Variants in CDK14 observed in about 807,000 individuals in gnomAD.
CDK14 encodes the protein cyclin dependent kinase 14, also known as cyclin-dependent kinase 14.
In CDK14, 34 loss-of-function variants were observed where a neutral mutation model predicts 60.7. The observed-to-expected ratio is 0.56, with a 90% confidence interval of 0.43 to 0.75. The LOEUF (loss-of-function observed/expected upper bound fraction) is 0.75. CDK14 is among the 30% of genes least tolerant of loss of function. The pLI is 0.00. For missense variants in CDK14, 482 were observed against 564.1 expected, an observed-to-expected ratio of 0.85 and a Z score of 1.47; for synonymous variants, 197 against 203.7, an observed-to-expected ratio of 0.97 and a Z score of 0.28.
At chr7:90,979,350 A>G (rs1795164584) in intron 9 of CDK14, 1 of 152,146 alleles carries the variant, frequency 6.6e-6, no homozygotes, top group Admixed American at 6.6e-5. Context: ...TCTTCAGTTT[A>G]CTAGACTCTG....
intron 10 of CDK14, among the ~76,000 whole-genome samples, chr7:91,011,782 A>G (rs886854009): frequency 4.6e-5 from 7 of 152,210 alleles, no homozygotes; most frequent in Non-Finnish European, 7.4e-5. Context: ...TTTTATCTCT[A>G]AAAGTTTTTA....
At chr7:90,866,585 C>A (rs1791200882) in intron 6 of CDK14, among the ~76,000 whole-genome samples, 1 of 152,070 alleles carries the variant, frequency 6.6e-6, no homozygotes, top group Non-Finnish European at 1.5e-5. Context: ...TTTTCAAGGG[C>A]TTTTTGAGAT....
chr7:90,834,000 C>T (rs1009864221), intron 5 of CDK14, among the ~76,000 whole-genome samples: 4 of 152,112 alleles, frequency 2.6e-5, no homozygotes, highest in Non-Finnish European at 5.9e-5. Context: ...ACCCAATTGC[C>T]TTAATAAAAG....
At chr7:90,954,364 A>G (rs1794346042) in intron 8 of CDK14, among the ~76,000 whole-genome samples, 1 of 152,184 alleles carries the variant, frequency 6.6e-6, no homozygotes, top group Non-Finnish European at 1.5e-5. Flanking sequence ...AAATGTTTTA[A>G]GTGCTATAAA....
intron 14 of CDK14, among the ~76,000 whole-genome samples, chr7:91,169,042 C>G (rs1397105269): frequency 6.6e-6 from 1 of 152,206 alleles, no homozygotes; most frequent in Admixed American, 6.5e-5. Context: ...GATTGTGCTC[C>G]TACTCTTCGT....
At chr7:90,674,530 C>A (rs1014739789) in intron 2 of CDK14, among the ~76,000 whole-genome samples, 5 of 152,056 alleles carry the variant, frequency 3.3e-5, no homozygotes, top group African/African-American at 1.2e-4. Context: ...TATAGACGAA[C>A]CTCAGTGCTT....
At chr7:91,086,749 A>T (rs1798654040) in intron 12 of CDK14, among the ~76,000 whole-genome samples, 1 of 152,138 alleles carries the variant, frequency 6.6e-6, no homozygotes, top group Non-Finnish European at 1.5e-5. Context: ...TGAAGCATGA[A>T]CAGAAATGCA....
intron 5 of CDK14, among the ~76,000 whole-genome samples, chr7:90,833,941 A>T (rs1252762584): frequency 6.6e-6 from 1 of 152,214 alleles, no homozygotes; most frequent in Admixed American, 6.5e-5. Context: ...GATATTTCAT[A>T]GTAGCTCTAA....
intron 6 of CDK14, among the ~76,000 whole-genome samples, chr7:90,895,374 C>T (rs535421279): frequency 0.095 from 383 of 4,028 alleles, 36 homozygotes; most frequent in Middle Eastern, 0.5. Flanking sequence ...TCCTCCCCTC[C>T]CCTCTCCTCT....
chr7:91,168,237 G>A (rs1312540376), intron 14 of CDK14, among the ~76,000 whole-genome samples: 1 of 149,268 alleles, frequency 6.7e-6, no homozygotes, highest in African/African-American at 2.5e-5. Flanking sequence ...ATTCCAGCCT[G>A]GCGACAGTGT....
chr7:90,808,144 A>T (rs1445754057), intron 5 of CDK14, among the ~76,000 whole-genome samples: 4 of 152,126 alleles, frequency 2.6e-5, no homozygotes, highest in Non-Finnish European at 5.9e-5. Flanking sequence ...GAGAAGAGCA[A>T]CTCCAAGACA....
chr7:90,679,980 A>G (rs1801282709), intron 2 of CDK14, among the ~76,000 whole-genome samples: 1 of 152,170 alleles, frequency 6.6e-6, no homozygotes, highest in Non-Finnish European at 1.5e-5. Context: ...GGTGCTTTAG[A>G]TGTAATTAAA....
intron 3 of CDK14, among the ~76,000 whole-genome samples, chr7:90,736,496 A>C (rs1803121250): frequency 6.6e-6 from 1 of 151,316 alleles, no homozygotes; most frequent in Non-Finnish European, 1.5e-5. Flanking sequence ...GTTAATTCCC[A>C]TGGGAAGCAT....
chr7:91,137,794 A>T (rs930372583), intron 14 of CDK14, among the ~76,000 whole-genome samples: 1 of 152,078 alleles, frequency 6.6e-6, no homozygotes, highest in Non-Finnish European at 1.5e-5. Context: ...TTTTAGAGTA[A>T]GAGTCTTTTG....
At chr7:90,779,729 C>A (rs576892980) in intron 4 of CDK14, among the ~76,000 whole-genome samples, 1 of 152,078 alleles carries the variant, frequency 6.6e-6, no homozygotes. Flanking sequence ...AAGAAAACCC[C>A]GGACCTTATA....
intron 14 of CDK14, among the ~76,000 whole-genome samples, chr7:91,204,202 T>G (rs1005531290): frequency 2.0e-5 from 3 of 152,126 alleles, no homozygotes; most frequent in Non-Finnish European, 4.4e-5. Context: ...AACTTAAGGC[T>G]TTTGTTTTTG....
chr7:90,605,493 T>G (rs17863162), intron 2 of CDK14, among the ~76,000 whole-genome samples: 4,241 of 152,304 alleles, frequency 0.028, 87 homozygotes, highest in Non-Finnish European at 0.042. Flanking sequence ...CCTCTAAACA[T>G]GTATTTCTGG....
chr7:91,008,899 A>C (rs10278091), intron 10 of CDK14, among the ~76,000 whole-genome samples: 19,287 of 152,038 alleles, frequency 0.13, 1,807 homozygotes, highest in East Asian at 0.36. Context: ...TAAGGTGTAC[A>C]GCTTAAGTTT....
At chr7:90,795,630 C>T (rs1358763804) in intron 5 of CDK14, among the ~76,000 whole-genome samples, 1 of 151,612 alleles carries the variant, frequency 6.6e-6, no homozygotes, top group Non-Finnish European at 1.5e-5. Flanking sequence ...TGAGGTAGAA[C>T]AATAGGTTTT....
Sources: allele counts gnomAD v4.1 joint callset (sites outside exome capture counted in the v4.1 genomes callset), GRCh38; gene constraint gnomAD v4.1.1; transcripts MANE v1.5; gene names NCBI Gene and HGNC (gene_info 2026-07-23, HGNC 2026-07-21).